The following PRKD1 variants were observed in gnomAD, a reference collection of about 807,000 sequenced individuals.
PRKD1 encodes serine/threonine-protein kinase D1.
Under a neutral mutation model 95.9 loss-of-function variants are expected in PRKD1, and 63 were observed. The ratio of observed to expected loss-of-function variants is 0.66; its 90% CI spans 0.54 to 0.81. The LOEUF (loss-of-function observed/expected upper bound fraction) is 0.81, where lower values mean the gene tolerates loss of function less well. Among genes scored for constraint, PRKD1 ranks in the 30% least tolerant of loss-of-function variants. The pLI, the probability that PRKD1 is intolerant of heterozygous loss-of-function variation, is 0.00. For synonymous variants in PRKD1, 425 were observed against 423.1 expected (o/e 1.00, Z -0.05); for missense variants, 1,048 against 1,165.3 (o/e 0.90, Z 1.47).
chr14:29,885,721 T>C (rs1331201300), intron 1 of PRKD1, among the ~76,000 whole-genome samples: 4 of 148,912 alleles, frequency 2.7e-5, no homozygotes, highest in African/African-American at 9.9e-5. Context: ...ATCCCCAGCA[T>C]TTCGGAAAGC....
intron 13 of PRKD1, among the ~76,000 whole-genome samples, chr14:29,606,656 T>C (rs1332600062): frequency 6.6e-6 from 1 of 152,180 alleles, no homozygotes; most frequent in Non-Finnish European, 1.5e-5. Flanking sequence ...ACAGTCAGGA[T>C]ATTCCCTTCC....
At chr14:29,671,823 C>T (rs982964714) in intron 2 of PRKD1, among the ~76,000 whole-genome samples, 7 of 152,002 alleles carry the variant, frequency 4.6e-5, no homozygotes, top group East Asian at 1.9e-4. Context: ...AAGAACAGAA[C>T]ATATTCTAAT....
At chr14:29,921,046 C>T (rs1895084263) in intron 1 of PRKD1, among the ~76,000 whole-genome samples, 1 of 152,060 alleles carries the variant, frequency 6.6e-6, no homozygotes, top group African/African-American at 2.4e-5. Flanking sequence ...CATTGTGTTC[C>T]CAAATGTTGC....
chr14:29,907,356 A>T (rs1412263561), intron 1 of PRKD1, among the ~76,000 whole-genome samples: 1 of 152,250 alleles, frequency 6.6e-6, no homozygotes, highest in African/African-American at 2.4e-5. Context: ...GAGCCCAGGT[A>T]TAACAAAAGA....
chr14:29,708,964 T>C (rs1885214775), intron 2 of PRKD1, among the ~76,000 whole-genome samples: 1 of 152,170 alleles, frequency 6.6e-6, no homozygotes, highest in South Asian at 2.1e-4. Context: ...TATATTTTGG[T>C]GTACTTTATT....
At chr14:29,720,089 C>G (rs1262097377) in intron 2 of PRKD1, among the ~76,000 whole-genome samples, 1 of 152,176 alleles carries the variant, frequency 6.6e-6, no homozygotes, top group East Asian at 1.9e-4. Context: ...GCATACGCAT[C>G]ACATTTAAAG....
At chr14:29,665,135 C>G (rs531968312) in intron 3 of PRKD1, among the ~76,000 whole-genome samples, 1 of 152,154 alleles carries the variant, frequency 6.6e-6, no homozygotes, top group African/African-American at 2.4e-5. Flanking sequence ...CCATGTACCC[C>G]CTAAATGCCT....
chr14:29,785,339 G>T (rs950072818), intron 1 of PRKD1, among the ~76,000 whole-genome samples: 3 of 152,034 alleles, frequency 2.0e-5, no homozygotes, highest in African/African-American at 7.2e-5. Context: ...TTGTAAATGC[G>T]TTTGCTTTCC....
At chr14:29,733,847 A>G (rs144043144) in intron 1 of PRKD1, among the ~76,000 whole-genome samples, 5 of 152,058 alleles carry the variant, frequency 3.3e-5, no homozygotes, top group African/African-American at 1.2e-4. Flanking sequence ...TATAAATATT[A>G]TATTTTTCAG....
At chr14:29,622,237 G>A (rs1030874647) in intron 13 of PRKD1, among the ~76,000 whole-genome samples, 16 of 151,998 alleles carry the variant, frequency 1.1e-4, no homozygotes, top group African/African-American at 1.9e-4. Flanking sequence ...CTGGCCCACC[G>A]CACACCTCCT....
At chr14:29,624,056 T>A in intron 13 of PRKD1, 96 bp downstream of exon 13, 1 of 842,506 alleles carries the variant, frequency 1.2e-6, no homozygotes, top group Non-Finnish European at 1.8e-6. Context: ...CCAAAATATT[T>A]ATGCCACAGG....
intron 1 of PRKD1, among the ~76,000 whole-genome samples, chr14:29,858,123 T>C (rs184753910): frequency 6.6e-6 from 1 of 152,332 alleles, no homozygotes; most frequent in East Asian, 1.9e-4. Context: ...GATCAACAAT[T>C]ATTTCATTAA....
chr14:29,662,298 T>C (rs536230880), intron 4 of PRKD1, among the ~76,000 whole-genome samples: 1 of 152,290 alleles, frequency 6.6e-6, no homozygotes, highest in African/African-American at 2.4e-5. Context: ...GTAAAATCAC[T>C]AATTGCAAAA....
At chr14:29,655,848 T>C (rs1336280559) in intron 4 of PRKD1, among the ~76,000 whole-genome samples, 2 of 151,814 alleles carry the variant, frequency 1.3e-5, no homozygotes, top group African/African-American at 2.4e-5. Context: ...GGAAAGATCC[T>C]TTATTGAAAA....
At chr14:29,832,671 T>C (rs113284168) in intron 1 of PRKD1, among the ~76,000 whole-genome samples, 46 of 152,198 alleles carry the variant, frequency 3.0e-4, no homozygotes, top group Non-Finnish European at 5.1e-4. Flanking sequence ...TTAGACTAGT[T>C]CCTTTTTTGC....
chr14:29,879,389 C>G (rs1036386608), intron 1 of PRKD1, among the ~76,000 whole-genome samples: 1 of 152,176 alleles, frequency 6.6e-6, no homozygotes, highest in Non-Finnish European at 1.5e-5. Flanking sequence ...TCAGGGGCTT[C>G]CACGTTTGCT....
Position 29,818,016 on chromosome 14 carries a change from T to G in PRKD1, c.265-92342A>C, listed in dbSNP as rs182566884. Among the ~76,000 whole-genome samples, 397 of 152,152 alleles carry G rather than the reference T, an allele frequency of 2.6e-3. 1 individual carries two copies. The highest frequency in any genetic ancestry group is 8.9e-3 in the African/African-American group (368 of 41,534). ...AAACAATGAAGAGAGAAAAACAAAT[T>G]AAAGTTGTAAAAAAAAATGGCATTT... On this transcript the variant is annotated intron_variant, in intron 1 of 17. Transcript: ENST00000331968.
intron 1 of PRKD1, among the ~76,000 whole-genome samples, chr14:29,781,534 G>C (rs922006216): frequency 1.3e-5 from 2 of 152,188 alleles, no homozygotes; most frequent in African/African-American, 4.8e-5. Context: ...AGTCAGGGAG[G>C]CACCTGCTTC....
chr14:29,826,842 CACATATATAT>C lies in PRKD1; in HGVS notation c.264+100397_264+100406del, dbSNP rs1269124957. Among the ~76,000 whole-genome samples, 17 of 19,866 alleles carry C rather than the reference CACATATATAT, an allele frequency of 8.6e-4. 2 individuals are homozygous for C. Among genetic ancestry groups the C allele is most frequent in the South Asian group, 2.6e-3 (1 of 386 alleles). 13.0% of individuals were successfully genotyped at this position (19,866 alleles called of 152,430 possible). ...ATATATATATATATATATATATACA[CACATATATAT>C]ATATATATATATATATATATATATG... On this transcript the variant is annotated intron_variant, in intron 1 of 17. Coordinates refer to ENST00000331968, the MANE Select transcript of PRKD1 (RefSeq NM_002742.3).
Sources: allele counts gnomAD v4.1 joint callset (sites outside exome capture counted in the v4.1 genomes callset), GRCh38; gene constraint gnomAD v4.1.1; transcripts MANE v1.5; gene names NCBI Gene and HGNC (gene_info 2026-07-23, HGNC 2026-07-21).